The following RBPJ variants were observed in gnomAD, a reference collection of about 807,000 sequenced individuals.
RBPJ encodes recombining binding protein suppressor of hairless.
A neutral mutation model predicts 67.8 loss-of-function variants in RBPJ; 9 were observed. That is an observed-to-expected ratio of 0.13 (90% CI 0.08 to 0.23). The LOEUF (loss-of-function observed/expected upper bound fraction) is 0.23. RBPJ is among the 10% of genes least tolerant of loss of function. The probability of loss-of-function intolerance (pLI) is 1.00; values close to 1 mark genes in which losing one functional copy is unlikely to be tolerated. For synonymous variants in RBPJ, 198 were observed against 203.3 expected, an observed-to-expected ratio of 0.97 and a Z score of 0.22; for missense variants, 305 against 595.6, an observed-to-expected ratio of 0.51 and a Z score of 5.08.
chr4:26,300,258 T>G (rs1387890620), intron 1 of RBPJ, among the ~76,000 whole-genome samples: 4 of 146,170 alleles, frequency 2.7e-5, no homozygotes, highest in Non-Finnish European at 3.0e-5. Context: ...GGGGTGGGGG[T>G]GGGTGGTCTT....
chr4:26,140,632 C>G, the RBPJ span, among the ~76,000 whole-genome samples: 8,474 of 112,784 alleles, frequency 0.075, 265 homozygotes, highest in African/African-American at 0.16. Context: ...CCCACCCCCC[C>G]ACCCCCCAAA....
At chr4:26,295,714 G>A (rs1396099694) in intron 1 of RBPJ, among the ~76,000 whole-genome samples, 1 of 152,130 alleles carries the variant, frequency 6.6e-6, no homozygotes, top group Non-Finnish European at 1.5e-5. Context: ...CAAGCTCAAG[G>A]CTGATTTGGG....
chr4:26,190,512 T>C (rs1177816266), intron 1 of RBPJ, among the ~76,000 whole-genome samples: 1 of 152,218 alleles, frequency 6.6e-6, no homozygotes, highest in Non-Finnish European at 1.5e-5. Context: ...TGAGGGCATC[T>C]GCCTTCCCTT....
intron 2 of RBPJ, among the ~76,000 whole-genome samples, chr4:26,400,319 G>A (rs1392806377): frequency 2.0e-5 from 3 of 152,182 alleles, no homozygotes; most frequent in African/African-American, 4.8e-5. Flanking sequence ...TCAAGGAAGG[G>A]TGCTACTGGC....
At chr4:26,178,984 G>A (rs1716890994) in intron 1 of RBPJ, among the ~76,000 whole-genome samples, 6 of 152,144 alleles carry the variant, frequency 3.9e-5, no homozygotes, top group Admixed American at 3.9e-4. Flanking sequence ...CGTGCGGCCT[G>A]CAGGGTGGAG....
At position 26,350,463 on chromosome 4, in the gene RBPJ, A is replaced by G. The variant is rs1332051765; in HGVS notation, c.20+29415A>G. On this transcript the variant is annotated intron_variant, in intron 1 of 10. Coordinates refer to ENST00000355476, the MANE Select transcript of RBPJ (RefSeq NM_015874.6). ...GGTATTTGGCTACTTATCTTACACTATTATATAAAATAAACCTTAAAAGAG... is the reference window on the plus strand; with the variant it reads ...GGTATTTGGCTACTTATCTTACACTGTTATATAAAATAAACCTTAAAAGAG... 7.3e-5 allele frequency among the ~76,000 whole-genome samples: 11 copies of G among 150,940 alleles called. No homozygotes were observed. In the East Asian group the frequency reaches 1.3e-3, roughly 19 times the overall value.
chr4:26,301,905 G>C (rs958442242), intron 1 of RBPJ, among the ~76,000 whole-genome samples: 2 of 152,020 alleles, frequency 1.3e-5, no homozygotes, highest in African/African-American at 4.8e-5. Flanking sequence ...TGATTCTCCT[G>C]CTGCAGCCTC....
At chr4:26,415,282 A>G (rs962109360) in intron 3 of RBPJ, among the ~76,000 whole-genome samples, 193 bp from the exon 4 acceptor site, 2 of 152,194 alleles carry the variant, frequency 1.3e-5, no homozygotes, top group Non-Finnish European at 2.9e-5. Context: ...AGATTTAGTC[A>G]TTGTGGAAGT....
rs541037246 is a variant in RBPJ at position 26,267,904 on chromosome 4, G to T, written c.-166-94542G>T. ...ATTACAGGCGTGAGCCACGGCACCCGACCCACAATTTCAATATAAGAGTAA... is the reference window on the plus strand; with the variant it reads ...ATTACAGGCGTGAGCCACGGCACCCTACCCACAATTTCAATATAAGAGTAA... On this transcript the variant is annotated intron_variant, in intron 1 of 4. Transcript: ENST00000512351. Among the ~76,000 whole-genome samples the T allele has an allele frequency of 5.9e-5, 9 of 151,870 alleles. 2 individuals carry two copies. The highest frequency in any genetic ancestry group is 2.2e-4 in the African/African-American group (9 of 41,428).
intron 1 of RBPJ, among the ~76,000 whole-genome samples, chr4:26,325,092 G>A (rs1723482601): frequency 6.6e-6 from 1 of 152,140 alleles, no homozygotes; most frequent in Admixed American, 6.5e-5. Flanking sequence ...CTTGGTAGAT[G>A]ATACCATATT....
upstream of RBPJ, among the ~76,000 whole-genome samples, chr4:26,315,160 AAAAAAAAATATAT>A (rs1722561856): frequency 8.4e-6 from 1 of 118,928 alleles, no homozygotes; most frequent in Non-Finnish European, 1.6e-5. Flanking sequence ...AAAAAAAAAA[AAAAAAAAATATAT>A]ATATATATAT....
At chr4:26,201,462 C>T (rs1717978947) in intron 1 of RBPJ, among the ~76,000 whole-genome samples, 1 of 152,160 alleles carries the variant, frequency 6.6e-6, no homozygotes, top group African/African-American at 2.4e-5. Context: ...CACAATTTCC[C>T]TCCTCAAGAT....
chr4:26,139,334 G>T, the RBPJ span, among the ~76,000 whole-genome samples: 2 of 152,170 alleles, frequency 1.3e-5, no homozygotes, highest in Non-Finnish European at 2.9e-5. Context: ...TATTTATTGG[G>T]TACTAAAAAA....
intron 1 of RBPJ, among the ~76,000 whole-genome samples, chr4:26,295,194 T>A (rs947313938): frequency 9.2e-5 from 14 of 151,888 alleles, no homozygotes; most frequent in African/African-American, 3.4e-4. Flanking sequence ...AATGACTTTG[T>A]GGAATGAAAT....
At chr4:26,282,757 G>C (rs1454154359) in intron 1 of RBPJ, among the ~76,000 whole-genome samples, 1 of 151,824 alleles carries the variant, frequency 6.6e-6, no homozygotes, top group East Asian at 1.9e-4. Flanking sequence ...CTGACCTCAG[G>C]TGATCCACCC....
At chr4:26,109,092 C>T in the RBPJ span, among the ~76,000 whole-genome samples, 2 of 143,078 alleles carry the variant, frequency 1.4e-5, no homozygotes, top group Admixed American at 1.4e-4. Flanking sequence ...GAATGTCTCT[C>T]TTGCCTTCCT....
At chr4:26,428,407 C>T (rs892771788) in intron 7 of RBPJ, among the ~76,000 whole-genome samples, 1 of 152,030 alleles carries the variant, frequency 6.6e-6, no homozygotes, top group African/African-American at 2.4e-5. Flanking sequence ...ACAAGAACCC[C>T]AGCTCATTTA....
At chr4:26,358,516 TATAAGCCCAGC>T (rs1460485903) in intron 1 of RBPJ, among the ~76,000 whole-genome samples, 1 of 149,240 alleles carries the variant, frequency 6.7e-6, no homozygotes, top group Admixed American at 6.8e-5. Flanking sequence ...GCCTCATGCC[TATAAGCCCAGC>T]AGTTTGGGAG....
intron 1 of RBPJ, among the ~76,000 whole-genome samples, chr4:26,276,392 A>G (rs1215251703): frequency 1.3e-5 from 2 of 152,212 alleles, no homozygotes; most frequent in East Asian, 3.8e-4. Context: ...AACTAAAACA[A>G]AGCTTCAGAA....
Sources: allele counts gnomAD v4.1 joint callset (sites outside exome capture counted in the v4.1 genomes callset), GRCh38; gene constraint gnomAD v4.1.1; transcripts MANE v1.5; gene names NCBI Gene and HGNC (gene_info 2026-07-23, HGNC 2026-07-21).